The following FBXW4 variants were observed in gnomAD, a reference collection of about 807,000 sequenced individuals.
FBXW4 encodes the protein F-box and WD repeat domain containing 4.
FBXW4 carries 40 observed loss-of-function variants against 61.8 expected under a neutral mutation model. The observed-to-expected ratio is 0.65, with a 90% CI of 0.50 to 0.84. The LOEUF is 0.84. FBXW4 is among the 40% of genes least tolerant of loss of function. The probability of loss-of-function intolerance (pLI) is 0.00; values close to 1 mark genes in which losing one functional copy is unlikely to be tolerated. For synonymous variants in FBXW4, 311 were observed against 313.8 expected (o/e 0.99, Z 0.10); for missense variants, 672 against 753.8 (o/e 0.89, Z 1.27).
rs1564930753 is a variant in FBXW4 at position 101,694,648 on chromosome 10, CCT to C, written c.456_457del (p.Val154GlyfsTer130). 3 of 1,415,646 alleles carry C rather than the reference CCT, an allele frequency of 2.1e-6. No individual in the cohort carries two copies. In the South Asian group the frequency reaches 4.6e-5, roughly 22 times the overall value. The allele number at this position is 1,415,646 out of a possible 1,614,324, so 87.7% of individuals were successfully genotyped here. On this transcript the variant is annotated frameshift_variant, in exon 1 of 9. Coordinates refer to ENST00000331272, the MANE Select transcript of FBXW4 (RefSeq NM_022039.4). LOFTEE classifies it high-confidence loss of function. The surrounding 1 kb of genome is among the most constrained non-coding windows in gnomAD (Gnocchi z 6.0). ...CCCGGCCGCCGCCGCCATGGCCACC[CCT>C]GTCCCCGCGATGTCGGCCCAAGCCT...
At chr10:101,618,296 G>A (rs1409877747) in intron 6 of FBXW4, among the ~76,000 whole-genome samples, 1 of 152,232 alleles carries the variant, frequency 6.6e-6, no homozygotes, top group East Asian at 1.9e-4. Flanking sequence ...CCAACACTGT[G>A]TTCAGTGGAA....
intron 6 of FBXW4, among the ~76,000 whole-genome samples, chr10:101,620,209 C>T (rs143263487): frequency 1.6e-3 from 247 of 152,390 alleles, no homozygotes; most frequent in Non-Finnish European, 3.1e-3. Flanking sequence ...GCTGCTCCAC[C>T]TCTCGGATTG....
intron 1 of FBXW4, among the ~76,000 whole-genome samples, chr10:101,681,640 C>A (rs1172088955): frequency 1.3e-5 from 2 of 149,402 alleles, no homozygotes; most frequent in African/African-American, 4.9e-5. Flanking sequence ...TGGCATGAAC[C>A]CGGGAGGCAG....
At chr10:101,612,609 C>T (rs942108962) in intron 6 of FBXW4, 132 bp from the exon 7 acceptor site, 14 of 1,081,222 alleles carry the variant, frequency 1.3e-5, no homozygotes, top group Non-Finnish European at 1.7e-5. Flanking sequence ...GAAGGGGGCT[C>T]AGGGAGGAGA....
At chr10:101,684,958 C>G (rs545284324) in intron 1 of FBXW4, among the ~76,000 whole-genome samples, 4 of 152,258 alleles carry the variant, frequency 2.6e-5, no homozygotes, top group African/African-American at 9.6e-5. Flanking sequence ...ACTGAACTGA[C>G]CCACAGCTCC....
intron 5 of FBXW4, among the ~76,000 whole-genome samples, chr10:101,647,217 T>C (rs1439666126): frequency 6.6e-6 from 1 of 152,188 alleles, no homozygotes. Context: ...CCTTAATTTA[T>C]CTGTTCCTCT....
In FBXW4 at chr10:101,665,898, A is replaced by G. The variant is rs567626549; in HGVS notation, c.1235+1988T>C. ...CTTTGGCTTCAATCCATATGAAGGAAGCGCACAGACCATCTCCGGCCCTGA... is the reference window on the plus strand; with the variant it reads ...CTTTGGCTTCAATCCATATGAAGGAGGCGCACAGACCATCTCCGGCCCTGA... On this transcript the variant is annotated intron_variant, in intron 5 of 8. Transcript: ENST00000331272. Among the ~76,000 whole-genome samples the G allele has an allele frequency of 2.6e-5, 4 of 152,220 alleles. No homozygotes were observed. In the South Asian group the frequency reaches 8.3e-4, roughly 32 times the overall value.
At position 101,694,489 on chromosome 10, in the gene FBXW4, A is replaced by G; in HGVS notation, c.617T>C (p.Leu206Pro). The change falls in exon 1 of 9, where the codon CTG (leucine) becomes CCG (proline). Residue 206 changes from leucine to proline, a missense_variant. This residue lies in a region of FBXW4 where 311 missense variants were observed against 301.1 expected (regional missense o/e 1.03). Coordinates refer to ENST00000331272, the MANE Select transcript of FBXW4 (RefSeq NM_022039.4). This position sits in a 1 kb window ranked among gnomAD's most constrained non-coding sequence, Gnocchi z 6.0. ...SYLDMRALGR[L>P]AQVCRWLRRF... ...CCGCAGCCAGCGGCACACCTGGGCC[A>G]GGCGGCCGAGGGCCCGCATGTCCAG... 3.3e-6 allele frequency: 5 copies of G among 1,524,732 alleles called. No individual in the cohort carries two copies. Among genetic ancestry groups the G allele is most frequent in the Non-Finnish European group, 3.5e-6 (4 of 1,146,794 alleles). 94.5% of individuals were successfully genotyped at this position (1,524,732 alleles called of 1,614,324 possible).
chr10:101,660,105 T>G (rs868683719), intron 5 of FBXW4: 33 of 985,322 alleles, frequency 3.3e-5, no homozygotes, highest in Middle Eastern at 5.2e-4. Flanking sequence ...CGGAGTCAGA[T>G]TGAAGTGTGT....
At position 101,624,821 on chromosome 10, in the gene FBXW4, A is replaced by G. The variant is rs2063895153; in HGVS notation, c.1236-11T>C. On this transcript the variant is annotated splice_polypyrimidine_tract_variant and intron_variant, in intron 5 of 8. Transcript: ENST00000331272. ...CCTGTCACAAAAGAGCTGCCAAACA[A>G]AAGGAGAACAAAGTCAGATCTGGCT... is the stretch of plus-strand genomic sequence containing the variant. The G allele has an allele frequency of 2.5e-6, 4 of 1,614,090 alleles. No individual in the cohort carries two copies. In the African/African-American group the frequency reaches 5.3e-5, roughly 22 times the overall value.
At chr10:101,686,092 T>C (rs2064530694) in intron 1 of FBXW4, among the ~76,000 whole-genome samples, 1 of 151,824 alleles carries the variant, frequency 6.6e-6, no homozygotes, top group Non-Finnish European at 1.5e-5. Flanking sequence ...CTGGGTCCTT[T>C]ATGTGCATGA....
At chr10:101,624,544 A>G (rs1404600874) in intron 6 of FBXW4, among the ~76,000 whole-genome samples, 2 of 152,242 alleles carry the variant, frequency 1.3e-5, no homozygotes, top group African/African-American at 4.8e-5. Flanking sequence ...GAAACTATTT[A>G]CCTATTATAA....
chr10:101,673,885 T>C (rs769579400), intron 2 of FBXW4, among the ~76,000 whole-genome samples: 7 of 152,204 alleles, frequency 4.6e-5, no homozygotes, highest in Non-Finnish European at 8.8e-5. Flanking sequence ...TAAACTTCCC[T>C]GGACTTTGTA....
intron 4 of FBXW4, among the ~76,000 whole-genome samples, chr10:101,668,862 C>T (rs2064332199): frequency 6.6e-6 from 1 of 152,162 alleles, no homozygotes; most frequent in Non-Finnish European, 1.5e-5. Flanking sequence ...AAATCTCAGA[C>T]GTACAGGACT....
intron 5 of FBXW4, among the ~76,000 whole-genome samples, chr10:101,649,833 C>T (rs2064131579): frequency 6.6e-6 from 1 of 152,260 alleles, no homozygotes; most frequent in African/African-American, 2.4e-5. Context: ...AGTGAAGACA[C>T]AGCCCCTTTC....
At chr10:101,654,712 C>T (rs2064171904) in intron 5 of FBXW4, among the ~76,000 whole-genome samples, 1 of 152,266 alleles carries the variant, frequency 6.6e-6, no homozygotes, top group African/African-American at 2.4e-5. Flanking sequence ...TCTTTTGGTT[C>T]CATAAATGTA....
In FBXW4 at chr10:101,681,395, A is replaced by T. The variant is rs1412267184; in HGVS notation, c.726-4959T>A. On this transcript the variant is annotated intron_variant, in intron 1 of 8. Coordinates refer to ENST00000331272, the MANE Select transcript of FBXW4 (RefSeq NM_022039.4). ...AAGAGCGAAACTCCGTCTCAAAAAA[A>T]AAAAATAATAATAATAATAATAATA... 1.8e-3 allele frequency among the ~76,000 whole-genome samples: 240 copies of T among 132,976 alleles called. 2 individuals are homozygous for T. The highest frequency in any genetic ancestry group is 2.5e-3 in the Admixed American group (33 of 13,394). The allele number at this position is 132,976 out of a possible 152,430, so 87.2% of individuals were successfully genotyped here.
At chr10:101,622,493 C>A (rs908868456) in intron 6 of FBXW4, among the ~76,000 whole-genome samples, 2 of 152,032 alleles carry the variant, frequency 1.3e-5, no homozygotes, top group East Asian at 3.9e-4. Context: ...TTTGGGAGGC[C>A]GAGGCAGGCT....
Position 101,669,304 on chromosome 10 carries a change from T to C in FBXW4, c.1141-1324A>G, listed in dbSNP as rs535777213. Among the ~76,000 whole-genome samples, 3 of 152,282 alleles carry C rather than the reference T, an allele frequency of 2.0e-5. 1 individual carries two copies. The South Asian group carries it at 6.2e-4, about 32-fold the overall frequency. The stretch of plus-strand genomic sequence containing the variant: ...CTCCATAGTCAGTCCTCTTTGGCAA[T>C]AACTAGATACATTTCCAATGTACTC... On this transcript the variant is annotated intron_variant, in intron 4 of 8. Coordinates refer to ENST00000331272, the MANE Select transcript of FBXW4 (RefSeq NM_022039.4).
Sources: gnomAD v4.1 joint callset for allele counts (sites outside exome capture counted in the v4.1 genomes callset) on GRCh38, gnomAD v4.1.1 for gene constraint, gnomAD v4.1.1 regional missense constraint, Gnocchi (gnomAD v3.1) non-coding constraint, MANE v1.5 for transcripts, NCBI Gene and HGNC (gene_info 2026-07-23, HGNC 2026-07-21) for gene names.